Variants in ATM observed in about 807,000 individuals in gnomAD.
ATM encodes the protein serine-protein kinase ATM.
Under a neutral mutation model 387.0 loss-of-function variants are expected in ATM, and 308 were observed. The observed-to-expected ratio is 0.80, with a 90% CI of 0.73 to 0.87. The LOEUF (loss-of-function observed/expected upper bound fraction) is 0.87. ATM is among the 40% of genes least tolerant of loss of function. The pLI is 0.00. For missense variants in ATM, 3,312 were observed against 3,560.9 expected (o/e 0.93, Z 1.78); for synonymous variants, 1,156 against 1,187.3 (o/e 0.97, Z 0.54).
intron 38 of ATM, chr11:108,309,137 C>T: frequency 2.2e-6 from 2 of 917,802 alleles, no homozygotes; most frequent in Non-Finnish European, 1.7e-6. Context: ...CAAGCTTGTG[C>T]TGTGTAAAAA....
At chr11:108,357,120 T>G (rs949318295) in intron 61 of ATM, among the ~76,000 whole-genome samples, 1 of 152,178 alleles carries the variant, frequency 6.6e-6, no homozygotes, top group African/African-American at 2.4e-5. Context: ...GGGCAAGGCA[T>G]TGCCTCACTT....
chr11:108,318,141 C>T (rs923654113), intron 43 of ATM, among the ~76,000 whole-genome samples: 2 of 152,066 alleles, frequency 1.3e-5, no homozygotes, highest in Admixed American at 1.3e-4. Context: ...GCGGGTGGAT[C>T]GCCTGAGCTC....
At chr11:108,312,373 T>C in intron 39 of ATM, 38 bp from the exon 40 acceptor site, 1 of 1,451,902 alleles carries the variant, frequency 6.9e-7, no homozygotes. Flanking sequence ...TTCCAAATAG[T>C]ATGTTCTCAT....
rs1555142814 is a variant in ATM at position 108,353,785 on chromosome 11, C to A, written c.8691C>A (p.Gly2897=). The change falls in exon 60 of 63, where the codon GGC becomes GGA. Residue 2897 remains glycine, a synonymous_variant. Transcript: ENST00000675843. ...CTTTAGGTGTTGCTTTTGAACAGGGCAAAATCCTTCCTACTCCTGAGACAG... is the reference window on the plus strand; with the variant it reads ...CTTTAGGTGTTGCTTTTGAACAGGGAAAAATCCTTCCTACTCCTGAGACAG... ...HIDLGVAFEQ[G]KILPTPETVP... is the part of the protein sequence containing the mutation. 6.2e-7 allele frequency: 1 copy of A among 1,613,916 alleles called. No homozygotes were observed. Among genetic ancestry groups the A allele is most frequent in the Non-Finnish European group, 8.5e-7 (1 of 1,179,846 alleles).
intron 59 of ATM, 160 bp from the exon 60 acceptor site, chr11:108,353,606 T>A (rs2089469034): frequency 1.6e-6 from 1 of 633,274 alleles, no homozygotes; most frequent in Admixed American, 2.4e-5. Flanking sequence ...GTGACAAAGA[T>A]GAGGAAGGCA....
chr11:108,297,991 A>G (rs2083215704), intron 33 of ATM, among the ~76,000 whole-genome samples: 1 of 152,246 alleles, frequency 6.6e-6, no homozygotes, highest in African/African-American at 2.4e-5. Context: ...AATACATTAT[A>G]ACTGACAGGT....
intron 16 of ATM, among the ~76,000 whole-genome samples, chr11:108,262,464 A>C (rs60957898): frequency 0.013 from 1,954 of 152,346 alleles, 52 homozygotes; most frequent in African/African-American, 0.044. Context: ...GGCCTGCCTT[A>C]CAAGAGCTCC....
At chr11:108,254,155 A>G (rs1167538923) in intron 13 of ATM, 116 bp downstream of exon 13, 3 of 965,408 alleles carry the variant, frequency 3.1e-6, no homozygotes, top group Non-Finnish European at 4.7e-6. Flanking sequence ...TTCATTTTAA[A>G]AGCAAAGTGG....
At chr11:108,282,128 ATTT>A (rs749115733) in intron 24 of ATM, among the ~76,000 whole-genome samples, 3 of 138,648 alleles carry the variant, frequency 2.2e-5, no homozygotes, top group Non-Finnish European at 1.6e-5. Flanking sequence ...CACCTGGCTA[ATTT>A]TTTTTTTTTT....
At chr11:108,264,148 T>A (rs1212664732) in intron 16 of ATM, among the ~76,000 whole-genome samples, 1 of 151,982 alleles carries the variant, frequency 6.6e-6, no homozygotes, top group Non-Finnish European at 1.5e-5. Flanking sequence ...AGCATCATAC[T>A]GATACCAAAG....
At chr11:108,278,413 T>TA (rs1238915249) in intron 22 of ATM, among the ~76,000 whole-genome samples, 4 of 152,156 alleles carry the variant, frequency 2.6e-5, no homozygotes, top group Non-Finnish European at 4.4e-5. Context: ...GTGGTGGCAT[T>TA]AAAAAAACTG....
Position 108,241,905 on chromosome 11 carries a change from CT to C in ATM, c.497-2047del, listed in dbSNP as rs34460174. Among the ~76,000 whole-genome samples, 387 of 151,788 alleles carry C rather than the reference CT, an allele frequency of 2.5e-3. 4 individuals are homozygous for C. Among genetic ancestry groups the C allele is most frequent in the Non-Finnish European group, 4.0e-3 (275 of 67,918 alleles). On this transcript the variant is annotated intron_variant, in intron 5 of 62. Transcript: ENST00000675843. ...GACCACAGACACAAGCCATCACACC[CT>C]GCTAATTTTTCATTTTTAGTAGAGA... is the stretch of plus-strand genomic sequence containing the variant.
rs1388042774 is a variant in ATM, at chr11:108,266,184, C to T, written c.2467-987C>T. 4.7e-5 allele frequency among the ~76,000 whole-genome samples: 7 copies of T among 148,072 alleles called. No homozygotes were observed. The East Asian group carries it at 8.0e-4, about 17-fold the overall frequency. The stretch of plus-strand genomic sequence containing the variant: ...ATGCCGCTATAAAGACACATGCACA[C>T]GTATGTTTATTGTGGCATTATTCAC... On this transcript the variant is annotated intron_variant, in intron 16 of 62. Coordinates refer to ENST00000675843, the MANE Select transcript of ATM (RefSeq NM_000051.4).
At chr11:108,249,192 A>G (rs961424886) in intron 9 of ATM, 90 bp downstream of exon 9, 6 of 1,444,480 alleles carry the variant, frequency 4.2e-6, no homozygotes, top group South Asian at 1.2e-5. Context: ...TTTCATCTCA[A>G]CCAGAACTAA....
At chr11:108,225,403 C>G (rs2078688730) in intron 1 of ATM, 1 of 152,154 alleles carries the variant, frequency 6.6e-6, no homozygotes, top group Non-Finnish European at 1.5e-5. Context: ...AGAAGAACCA[C>G]CAGTGAATAT....
At chr11:108,259,232 G>A (rs889283304) in intron 16 of ATM, among the ~76,000 whole-genome samples, 157 bp downstream of exon 16, 1 of 152,212 alleles carries the variant, frequency 6.6e-6, no homozygotes, top group Non-Finnish European at 1.5e-5. Context: ...GCTCATGCCT[G>A]TAACCCCAGC....
At chr11:108,340,911 AT>A (rs2087480269) in intron 56 of ATM, among the ~76,000 whole-genome samples, 1 of 151,972 alleles carries the variant, frequency 6.6e-6, no homozygotes, top group Non-Finnish European at 1.5e-5. Flanking sequence ...TAAAATTTTT[AT>A]TTTTTATTGT....
At chr11:108,358,067 T>A (rs1186913451) in intron 61 of ATM, among the ~76,000 whole-genome samples, 1 of 148,094 alleles carries the variant, frequency 6.8e-6, no homozygotes, top group Non-Finnish European at 1.5e-5. Context: ...GAAGAATGTA[T>A]AACTAGAATA....
intron 16 of ATM, 99 bp downstream of exon 16, chr11:108,259,174 T>C (rs916929539): frequency 2.0e-5 from 20 of 998,002 alleles, no homozygotes; most frequent in East Asian, 2.6e-5. Context: ...TCACAACATA[T>C]AGCTCTTAAC....
Sources: allele counts gnomAD v4.1 joint callset (sites outside exome capture counted in the v4.1 genomes callset), GRCh38; gene constraint gnomAD v4.1.1; transcripts MANE v1.5; gene names NCBI Gene and HGNC (gene_info 2026-07-23, HGNC 2026-07-21).